NUDCD1: variants seen among roughly 807,000 people sequenced by gnomAD.
NUDCD1 encodes NudC domain containing 1.
A neutral mutation model predicts 67.8 loss-of-function variants in NUDCD1; 60 were observed. The observed-to-expected ratio is 0.88, with a 90% CI of 0.72 to 1.10. The LOEUF is 1.10. Among genes scored for constraint, NUDCD1 ranks in the 50% least tolerant of loss-of-function variants. NUDCD1 has a pLI of 0.00. For missense variants in NUDCD1, 643 were observed against 695.0 expected, an observed-to-expected ratio of 0.93 and a Z score of 0.84; for synonymous variants, 244 against 230.8, an observed-to-expected ratio of 1.06 and a Z score of -0.52.
chr8:109,325,928 A>G (rs1440373830), intron 1 of NUDCD1, among the ~76,000 whole-genome samples: 1 of 152,188 alleles, frequency 6.6e-6, no homozygotes, highest in Non-Finnish European at 1.5e-5. Context: ...ACAGGTAAAA[A>G]TCCAATTATG....
Position 109,242,242 on chromosome 8 carries a change from G to C in NUDCD1, c.*767C>G, listed in dbSNP as rs1212054451. ...GATAAGCTCTTGCATATTGGAGCTTGCTCTCTTAAGATGTTTTCTCTACTA... is the reference window on the plus strand; with the variant it reads ...GATAAGCTCTTGCATATTGGAGCTTCCTCTCTTAAGATGTTTTCTCTACTA... On this transcript the variant is annotated 3_prime_UTR_variant, in exon 10 of 10. Coordinates refer to ENST00000239690, the MANE Select transcript of NUDCD1 (RefSeq NM_032869.4). 3 of 396,492 alleles carry C rather than the reference G, an allele frequency of 7.6e-6. No homozygotes were observed. Among genetic ancestry groups the C allele is most frequent in the Non-Finnish European group, 4.5e-6 (1 of 224,658 alleles). 24.6% of individuals were successfully genotyped at this position (396,492 alleles called of 1,614,324 possible).
In NUDCD1 at chr8:109,284,763, G is replaced by GA. The variant is rs200884458; in HGVS notation, c.824-3592dup. Among the ~76,000 whole-genome samples the GA allele has an allele frequency of 5.9e-4, 84 of 142,978 alleles. 2 individuals carry two copies. Among genetic ancestry groups the GA allele is most frequent in the East Asian group, 4.7e-3 (23 of 4,894 alleles). The allele number at this position is 142,978 out of a possible 152,430, so 93.8% of individuals were successfully genotyped here. A position where few individuals can be genotyped will look rare whatever the true frequency, so the allele number is the denominator to read the frequency against. On this transcript the variant is annotated intron_variant, in intron 5 of 9. Transcript: ENST00000239690. ...TCTAATATCACACCCAGAAGAACAA[G>GA]AAAAAAAAACAAATTAACACCAAAG...
At chr8:109,273,062 CAAGGAAATTGCAGAGAA>C (rs1814194909) in intron 7 of NUDCD1, among the ~76,000 whole-genome samples, 1 of 152,118 alleles carries the variant, frequency 6.6e-6, no homozygotes, top group Non-Finnish European at 1.5e-5. Flanking sequence ...ATTAGAGAGA[CAAGGAAATTGCAGAGAA>C]AAGGGTCAAA....
chr8:109,327,810 TAAAC>T (rs1281063997), intron 1 of NUDCD1, among the ~76,000 whole-genome samples: 2 of 152,052 alleles, frequency 1.3e-5, no homozygotes, highest in African/African-American at 4.8e-5. Flanking sequence ...ACTCGCAAAA[TAAAC>T]AAATAAAAAA....
intron 5 of NUDCD1, among the ~76,000 whole-genome samples, chr8:109,288,108 A>C (rs1451389624): frequency 6.6e-6 from 1 of 152,192 alleles, no homozygotes; most frequent in African/African-American, 2.4e-5. Context: ...ACTACCCATA[A>C]TTTTTAAAAA....
Position 109,331,742 on chromosome 8 carries a change from T to G in NUDCD1, c.118+2151A>C, listed in dbSNP as rs574344330. Among the ~76,000 whole-genome samples the G allele has an allele frequency of 1.2e-3, 182 of 152,236 alleles. 1 individual carries two copies. The highest frequency in any genetic ancestry group is 1.5e-3 in the Non-Finnish European group (100 of 67,994). On this transcript the variant is annotated intron_variant, in intron 1 of 9. Transcript: ENST00000239690. ...TTTTGTTTATGAAAAGATAGATGAG[T>G]AAATGATAGTTTTTAAGAAACATCT... is the stretch of plus-strand genomic sequence containing the variant.
chr8:109,295,298 T>C (rs1195961619), intron 3 of NUDCD1, among the ~76,000 whole-genome samples: 1 of 152,124 alleles, frequency 6.6e-6, no homozygotes, highest in East Asian at 1.9e-4. Context: ...CTCCTGCGCA[T>C]TATTCTCAAA....
At chr8:109,275,207 A>T in intron 7 of NUDCD1, 145 bp downstream of exon 7, 1 of 672,086 alleles carries the variant, frequency 1.5e-6, no homozygotes, top group Non-Finnish European at 2.5e-6. Context: ...CTTAGGCCAT[A>T]TTCAAACATC....
At chr8:109,314,519 C>G (rs1287033654) in intron 2 of NUDCD1, among the ~76,000 whole-genome samples, 1 of 152,072 alleles carries the variant, frequency 6.6e-6, no homozygotes, top group Non-Finnish European at 1.5e-5. Context: ...AACCCTACTC[C>G]AAAAGTTGGT....
chr8:109,296,140 G>T (rs1814836551), intron 3 of NUDCD1, among the ~76,000 whole-genome samples: 1 of 152,158 alleles, frequency 6.6e-6, no homozygotes, highest in African/African-American at 2.4e-5. Flanking sequence ...TAAGATGTCT[G>T]CTGAAAAATG....
At chr8:109,269,179 G>A (rs1362730514) in intron 8 of NUDCD1, among the ~76,000 whole-genome samples, 2 of 152,132 alleles carry the variant, frequency 1.3e-5, no homozygotes, top group African/African-American at 4.8e-5. Flanking sequence ...TAGGTGTTGA[G>A]GACACTGGTA....
intron 6 of NUDCD1, among the ~76,000 whole-genome samples, chr8:109,278,538 T>G (rs929749814): frequency 4.6e-5 from 7 of 152,142 alleles, no homozygotes; most frequent in Non-Finnish European, 1.0e-4. Flanking sequence ...ATACAGGCAG[T>G]TCCCTTGGCC....
chr8:109,254,203 A>G (rs113292662), intron 8 of NUDCD1, among the ~76,000 whole-genome samples: 3,155 of 152,296 alleles, frequency 0.021, 110 homozygotes, highest in African/African-American at 0.072. Context: ...ATTTTTTTAA[A>G]TGAAGTAGGC....
chr8:109,333,745 C>A, intron 1 of NUDCD1, 148 bp downstream of exon 1: 1 of 843,642 alleles, frequency 1.2e-6, no homozygotes, highest in Non-Finnish European at 1.9e-6. Flanking sequence ...GGCATCATTC[C>A]CCAGAAGCAG....
intron 1 of NUDCD1, among the ~76,000 whole-genome samples, chr8:109,331,505 G>T (rs1432374404): frequency 9.2e-6 from 1 of 108,270 alleles, no homozygotes; most frequent in Non-Finnish European, 1.7e-5. Flanking sequence ...AATAGAGCAA[G>T]ACTCAGACTC....
At chr8:109,294,829 C>T (rs992700934) in intron 3 of NUDCD1, among the ~76,000 whole-genome samples, 1 of 151,924 alleles carries the variant, frequency 6.6e-6, no homozygotes, top group Non-Finnish European at 1.5e-5. Context: ...GGCCCCCTTA[C>T]CCCCCACCAT....
chr8:109,303,213 C>T (rs1463899150), intron 2 of NUDCD1, among the ~76,000 whole-genome samples: 1 of 152,192 alleles, frequency 6.6e-6, no homozygotes, highest in East Asian at 1.9e-4. Context: ...ACTCCCAGAG[C>T]CCCTGGAACT....
intron 5 of NUDCD1, among the ~76,000 whole-genome samples, chr8:109,288,877 AT>A (rs1483381960): frequency 1.3e-5 from 2 of 152,316 alleles, no homozygotes; most frequent in African/African-American, 4.8e-5. Flanking sequence ...CATCAGAAAT[AT>A]GAACAGTAAT....
intron 8 of NUDCD1, among the ~76,000 whole-genome samples, chr8:109,248,195 T>C (rs576759964): frequency 6.6e-6 from 1 of 152,312 alleles, no homozygotes; most frequent in African/African-American, 2.4e-5. Context: ...CTCTAGAAGT[T>C]AGAAATGGCA....
Sources: allele counts gnomAD v4.1 joint callset (sites outside exome capture counted in the v4.1 genomes callset), GRCh38; gene constraint gnomAD v4.1.1; transcripts MANE v1.5; gene names NCBI Gene and HGNC (gene_info 2026-07-23, HGNC 2026-07-21).